UGT2B4: variants seen among roughly 807,000 people sequenced by gnomAD.
UGT2B4 encodes the protein UDP glucuronosyltransferase family 2 member B4, also known as UDP-glucuronosyltransferase 2B4.
A neutral mutation model predicts 49.8 loss-of-function variants in UGT2B4; 49 were observed. That is an observed-to-expected ratio of 0.98 (90% confidence interval 0.78 to 1.25). The LOEUF (loss-of-function observed/expected upper bound fraction) is 1.25. Among genes scored for constraint, UGT2B4 ranks in the 50% most tolerant of loss-of-function variants. The pLI is 0.00. For missense variants in UGT2B4, 729 were observed against 627.7 expected, an observed-to-expected ratio of 1.16 and a Z score of -1.73; for synonymous variants, 246 against 217.7, an observed-to-expected ratio of 1.13 and a Z score of -1.14.
At chr4:69,488,620 T>G (rs7441132) in intron 3 of UGT2B4, among the ~76,000 whole-genome samples, 1 of 152,044 alleles carries the variant, frequency 6.6e-6, no homozygotes, top group African/African-American at 2.4e-5. Flanking sequence ...TTCCCCTGCC[T>G]GGCTTCCTTC....
intron 5 of UGT2B4, among the ~76,000 whole-genome samples, chr4:69,484,892 T>C (rs1727720692): frequency 6.6e-6 from 1 of 152,194 alleles, no homozygotes; most frequent in Admixed American, 6.5e-5. Flanking sequence ...TATTTTATTA[T>C]ATTACGTCAA....
intron 4 of UGT2B4, 123 bp from the exon 5 acceptor site, chr4:69,485,550 G>C: frequency 7.3e-7 from 1 of 1,366,646 alleles, no homozygotes; most frequent in Non-Finnish European, 1.0e-6. Flanking sequence ...AATTGTTTTT[G>C]AGACTTCAGA....
At chr4:69,520,128 T>C (rs1432256883) in intron 1 of UGT2B4, among the ~76,000 whole-genome samples, 1 of 152,104 alleles carries the variant, frequency 6.6e-6, no homozygotes, top group Non-Finnish European at 1.5e-5. Context: ...GAAGCAAACT[T>C]AAGAAAAATA....
At chr4:69,484,043 C>G (rs1228391784) in intron 5 of UGT2B4, among the ~76,000 whole-genome samples, 1 of 151,930 alleles carries the variant, frequency 6.6e-6, no homozygotes, top group Non-Finnish European at 1.5e-5. Context: ...TCAGTAACCA[C>G]ATATAAAGAA....
At chr4:69,502,523 G>A (rs921089612) in intron 1 of UGT2B4, among the ~76,000 whole-genome samples, 1 of 152,064 alleles carries the variant, frequency 6.6e-6, no homozygotes, top group African/African-American at 2.4e-5. Flanking sequence ...GAAAATCTGA[G>A]GCAACTAGGG....
chr4:69,517,272 A>G (rs1203238336), intron 1 of UGT2B4, among the ~76,000 whole-genome samples: 1 of 152,166 alleles, frequency 6.6e-6, no homozygotes, highest in Non-Finnish European at 1.5e-5. Flanking sequence ...GAAATATTTC[A>G]ATATAACCAG....
At chr4:69,523,792 T>C (rs1728900402) in intron 1 of UGT2B4, among the ~76,000 whole-genome samples, 1 of 152,142 alleles carries the variant, frequency 6.6e-6, no homozygotes. Context: ...AAGGGCAATT[T>C]TGTCTACGTT....
upstream of UGT2B4, chr4:69,496,087 G>A: frequency 2.4e-6 from 1 of 422,808 alleles, no homozygotes; most frequent in Non-Finnish European, 3.6e-6. Flanking sequence ...TTTTTTTTTT[G>A]AGAGCTCACT....
chr4:69,525,113 C>A (rs1397841197), intron 1 of UGT2B4, among the ~76,000 whole-genome samples: 1 of 152,094 alleles, frequency 6.6e-6, no homozygotes, highest in Non-Finnish European at 1.5e-5. Flanking sequence ...GGAAAAATAA[C>A]CAAGTATTTA....
chr4:69,481,109 A>T (rs1727577497), intron 5 of UGT2B4, among the ~76,000 whole-genome samples, 199 bp from the exon 6 acceptor site: 1 of 149,718 alleles, frequency 6.7e-6, no homozygotes, highest in Non-Finnish European at 1.5e-5. Flanking sequence ...AAAAAAAAAA[A>T]AAAAAAAAGA....
chr4:69,502,087 C>CTTTCTTTCTTTCTTTCTT (rs780839341), intron 1 of UGT2B4, among the ~76,000 whole-genome samples: 1 of 38,336 alleles, frequency 2.6e-5, no homozygotes, highest in African/African-American at 1.0e-4. Flanking sequence ...TTCTTTCTTT[C>CTTTCTTTCTTTCTTTCTT]TCTCTCTTTC....
chr4:69,514,309 A>G (rs1560442463), intron 1 of UGT2B4, among the ~76,000 whole-genome samples: 2 of 151,944 alleles, frequency 1.3e-5, no homozygotes, highest in Non-Finnish European at 2.9e-5. Flanking sequence ...TCATTGTTCA[A>G]TTCCCACCTA....
rs552707147 is a variant in UGT2B4, at chr4:69,511,691, G to A, written c.-106+13996C>T. ...GTATAATGCTGCTCTCATAAAATGAGTTTGAAAGTATCTTTTTCTTTTCAG... is the reference window on the plus strand; with the variant it reads ...GTATAATGCTGCTCTCATAAAATGAATTTGAAAGTATCTTTTTCTTTTCAG... On this transcript the variant is annotated intron_variant, in intron 1 of 1. Transcript: ENST00000510114. Among the ~76,000 whole-genome samples the A allele has an allele frequency of 2.0e-5, 3 of 152,190 alleles. 1 individual carries two copies. In the East Asian group the frequency reaches 5.8e-4, roughly 29 times the overall value.
At chr4:69,486,494 ATTTTATT>A (rs1440600772) in intron 4 of UGT2B4, 108 bp downstream of exon 4, 1 of 676,812 alleles carries the variant, frequency 1.5e-6, no homozygotes, top group Non-Finnish European at 2.3e-6. Context: ...AAGAAGTTTC[ATTTTATT>A]TTTAAGTTTT....
At chr4:69,520,480 G>A (rs985147940) in intron 1 of UGT2B4, among the ~76,000 whole-genome samples, 3 of 152,196 alleles carry the variant, frequency 2.0e-5, no homozygotes, top group Non-Finnish European at 4.4e-5. Context: ...CTACAGACTT[G>A]GGCATCCCTG....
intron 1 of UGT2B4, among the ~76,000 whole-genome samples, chr4:69,501,400 C>T (rs931979518): frequency 1.3e-5 from 2 of 152,132 alleles, no homozygotes; most frequent in Non-Finnish European, 2.9e-5. Flanking sequence ...AGTGTTCTCC[C>T]GCCACTAGAG....
intron 1 of UGT2B4, among the ~76,000 whole-genome samples, chr4:69,505,414 A>G (rs1728442874): frequency 6.6e-6 from 1 of 152,170 alleles, no homozygotes; most frequent in Admixed American, 6.6e-5. Flanking sequence ...AAAAAACCAT[A>G]TATTTCAATC....
chr4:69,510,612 T>C (rs567812407), intron 1 of UGT2B4, among the ~76,000 whole-genome samples: 2 of 152,264 alleles, frequency 1.3e-5, no homozygotes, highest in African/African-American at 4.8e-5. Context: ...TTTTTCTTAA[T>C]TCCTTTTTCT....
At chr4:69,515,817 A>G (rs1728717392) in intron 1 of UGT2B4, among the ~76,000 whole-genome samples, 1 of 152,130 alleles carries the variant, frequency 6.6e-6, no homozygotes. Flanking sequence ...AAACCAACGA[A>G]CCAAACAAAG....
Sources: allele counts gnomAD v4.1 joint callset (sites outside exome capture counted in the v4.1 genomes callset), GRCh38; gene constraint gnomAD v4.1.1; transcripts MANE v1.5; gene names NCBI Gene and HGNC (gene_info 2026-07-23, HGNC 2026-07-21).